Variants in AXDND1 observed in about 807,000 individuals in gnomAD.
AXDND1 encodes the protein axonemal dynein light chain domain-containing protein 1.
In AXDND1, 110 loss-of-function variants were observed where a neutral mutation model predicts 137.5. The observed-to-expected ratio is 0.80, with a 90% CI of 0.69 to 0.94. AXDND1 has a LOEUF of 0.94. Among genes scored for constraint, AXDND1 ranks in the 40% least tolerant of loss-of-function variants. AXDND1 has a pLI of 0.00. For missense variants in AXDND1, 1,191 were observed against 1,169.8 expected (o/e 1.02, Z -0.26); for synonymous variants, 414 against 399.7 (o/e 1.04, Z -0.43).
At chr1:179,469,850 G>C (rs74323059) in intron 17 of AXDND1, among the ~76,000 whole-genome samples, 4,526 of 152,230 alleles carry the variant, frequency 0.03, 250 homozygotes, top group African/African-American at 0.1. Context: ...TTTCTGTGCT[G>C]TTGTTGTTGT....
At chr1:179,488,646 T>C (rs1666422715) in intron 18 of AXDND1, among the ~76,000 whole-genome samples, 1 of 71,184 alleles carries the variant, frequency 1.4e-5, no homozygotes, top group Non-Finnish European at 2.9e-5. Flanking sequence ...TTTCTTTCTT[T>C]CTTTCTTTCT....
chr1:179,527,276 A>G (rs1670616790), intron 22 of AXDND1, among the ~76,000 whole-genome samples: 1 of 152,192 alleles, frequency 6.6e-6, no homozygotes, highest in Non-Finnish European at 1.5e-5. Context: ...GAGGACAACC[A>G]GAGGTCACTC....
At chr1:179,470,449 A>G (rs898487930) in intron 17 of AXDND1, among the ~76,000 whole-genome samples, 1 of 152,140 alleles carries the variant, frequency 6.6e-6, no homozygotes, top group East Asian at 1.9e-4. Flanking sequence ...TGAACATGGG[A>G]TGTTTTTCCA....
At chr1:179,382,239 C>T (rs1022613826) in intron 6 of AXDND1, among the ~76,000 whole-genome samples, 10 of 137,514 alleles carry the variant, frequency 7.3e-5, no homozygotes, top group Admixed American at 2.1e-4. Context: ...CCACCATGCC[C>T]GGCTAATTCT....
intron 17 of AXDND1, among the ~76,000 whole-genome samples, chr1:179,476,695 A>G (rs143353333): frequency 2.1e-4 from 32 of 151,986 alleles, no homozygotes; most frequent in African/African-American, 6.3e-4. Flanking sequence ...TTTGGCACCT[A>G]TTGTTTATTT....
rs1359568400 is a variant in AXDND1 at position 179,483,226 on chromosome 1, G to A, written c.2091+5G>A. On this transcript the variant is annotated splice_donor_5th_base_variant and intron_variant, in intron 18 of 25. Transcript: ENST00000367618. ...AACATTGAACTTCAGCACCACGTAT[G>A]TACTTGTAAGGGTTTTTGACGTTAT... The A allele has an allele frequency of 1.3e-6, 2 of 1,583,592 alleles. No individual in the cohort carries two copies. The highest frequency in any genetic ancestry group is 1.8e-5 in the Admixed American group (1 of 56,280).
At chr1:179,549,369 T>C (rs1375694006) in intron 25 of AXDND1, among the ~76,000 whole-genome samples, 1 of 152,164 alleles carries the variant, frequency 6.6e-6, no homozygotes, top group African/African-American at 2.4e-5. Context: ...TTGGTTAATT[T>C]GAAAGACAAC....
At chr1:179,375,996 G>A (rs972336562) in intron 4 of AXDND1, among the ~76,000 whole-genome samples, 1 of 152,048 alleles carries the variant, frequency 6.6e-6, no homozygotes, top group Non-Finnish European at 1.5e-5. Flanking sequence ...AACCTCACAT[G>A]CCACATCAGC....
intron 23 of AXDND1, among the ~76,000 whole-genome samples, chr1:179,528,888 G>A (rs555183775): frequency 2.6e-5 from 4 of 152,016 alleles, no homozygotes; most frequent in East Asian, 1.9e-4. Context: ...TATTGCGCCC[G>A]GCCTAAACCC....
At chr1:179,529,904 A>T (rs993240583) in intron 23 of AXDND1, among the ~76,000 whole-genome samples, 2 of 152,160 alleles carry the variant, frequency 1.3e-5, no homozygotes, top group Non-Finnish European at 2.9e-5. Context: ...CATTCTCCCA[A>T]AGTGGTGCCT....
At chr1:179,468,932 A>ATT (rs34177524) in intron 17 of AXDND1, among the ~76,000 whole-genome samples, 8 of 145,880 alleles carry the variant, frequency 5.5e-5, no homozygotes, top group African/African-American at 1.8e-4. Context: ...GTTATGAACA[A>ATT]TTTTTTTTTT....
At chr1:179,528,562 T>G (rs1164772968) in intron 23 of AXDND1, 131 bp downstream of exon 23, 1 of 472,928 alleles carries the variant, frequency 2.1e-6, no homozygotes, top group Non-Finnish European at 3.5e-6. Context: ...TACAGATATT[T>G]TTCTTCCAAC....
chr1:179,510,144 A>G (rs1174929727), intron 21 of AXDND1, among the ~76,000 whole-genome samples: 1 of 151,962 alleles, frequency 6.6e-6, no homozygotes, highest in Non-Finnish European at 1.5e-5. Context: ...TGCCTCTTAA[A>G]TGTTGATATT....
chr1:179,541,977 A>C (rs1224548498), intron 25 of AXDND1, among the ~76,000 whole-genome samples: 1 of 152,216 alleles, frequency 6.6e-6, no homozygotes, highest in Non-Finnish European at 1.5e-5. Context: ...AGGATATGAC[A>C]TCATTTTTTA....
intron 20 of AXDND1, among the ~76,000 whole-genome samples, chr1:179,497,319 G>C (rs1458926767): frequency 6.6e-6 from 1 of 152,010 alleles, no homozygotes; most frequent in African/African-American, 2.4e-5. Flanking sequence ...AGTTCTATCA[G>C]TTTTTGCTTC....
intron 12 of AXDND1, among the ~76,000 whole-genome samples, chr1:179,421,183 C>A (rs1655655013): frequency 6.6e-6 from 1 of 150,968 alleles, no homozygotes; most frequent in South Asian, 2.1e-4. Flanking sequence ...TATATGTCTG[C>A]TTTTATGCCA....
At chr1:179,496,445 G>A (rs1486024721) in intron 20 of AXDND1, among the ~76,000 whole-genome samples, 1 of 151,884 alleles carries the variant, frequency 6.6e-6, no homozygotes, top group Non-Finnish European at 1.5e-5. Flanking sequence ...AGTGAGCTTT[G>A]GACTTGTAAG....
chr1:179,399,106 G>A (rs1651541026), intron 11 of AXDND1, among the ~76,000 whole-genome samples: 1 of 152,108 alleles, frequency 6.6e-6, no homozygotes, highest in Non-Finnish European at 1.5e-5. Flanking sequence ...ACATGTATAT[G>A]TATAGTTAAA....
rs1667430061 is a variant in AXDND1, at chr1:179,366,572, G to A, written c.63G>A (p.Lys21=). 6.2e-7 allele frequency: 1 copy of A among 1,613,758 alleles called. No individual in the cohort carries two copies. Among genetic ancestry groups the A allele is most frequent in the Non-Finnish European group, 8.5e-7 (1 of 1,179,726 alleles). ...CTACATCAACATCTGAGAGCAAAAAGTTAAAAGTGTCTGTAGCCAAGGAAG... is the reference window on the plus strand; with the variant it reads ...CTACATCAACATCTGAGAGCAAAAAATTAAAAGTGTCTGTAGCCAAGGAAG... The part of the protein sequence containing the change: ...LNSTSTSESK[K]LKVSVAKEGT... Residue 21 remains lysine (K), a synonymous_variant, in exon 2 of 26, where the codon AAG becomes AAA. Coordinates refer to ENST00000367618, the MANE Select transcript of AXDND1 (RefSeq NM_144696.6).
Sources: gnomAD v4.1 joint callset for allele counts (sites outside exome capture counted in the v4.1 genomes callset) on GRCh38, gnomAD v4.1.1 for gene constraint, MANE v1.5 for transcripts, NCBI Gene and HGNC (gene_info 2026-07-23, HGNC 2026-07-21) for gene names.